The following NRG3 variants were observed in gnomAD, a reference collection of about 807,000 sequenced individuals.
NRG3 encodes the protein pro-neuregulin-3, membrane-bound isoform.
In NRG3, 31 loss-of-function variants were observed where a neutral mutation model predicts 66.9. The ratio of observed to expected loss-of-function variants is 0.46; its 90% CI spans 0.35 to 0.63. The LOEUF (loss-of-function observed/expected upper bound fraction) is 0.63, where lower values mean the gene tolerates loss of function less well. Among genes scored for constraint, NRG3 ranks in the 20% least tolerant of loss-of-function variants. The probability of loss-of-function intolerance (pLI) is 0.00; values close to 1 mark genes in which losing one functional copy is unlikely to be tolerated. For missense variants in NRG3, 910 were observed against 878.9 expected, an observed-to-expected ratio of 1.04 and a Z score of -0.45; for synonymous variants, 393 against 359.4, an observed-to-expected ratio of 1.09 and a Z score of -1.06.
Position 82,405,458 on chromosome 10 carries a change from G to GT in NRG3, c.953+46604dup, listed in dbSNP as rs10676885. ...ATCTTTGGAATGATCTCAGTAGTTTGTTTTTTTTTTTTTTGAAATGGAGTC... is the reference window on the plus strand; with the variant it reads ...ATCTTTGGAATGATCTCAGTAGTTTGTTTTTTTTTTTTTTTGAAATGGAGTC... On this transcript the variant is annotated intron_variant, in intron 2 of 8. Transcript: ENST00000372141. Among the ~76,000 whole-genome samples, 1,030 of 140,240 alleles carry GT rather than the reference G, an allele frequency of 7.3e-3. 14 individuals are homozygous for GT. The highest frequency in any genetic ancestry group is 0.019 in the Middle Eastern group (5 of 266). The allele number at this position is 140,240 out of a possible 152,430, so 92.0% of individuals were successfully genotyped here. A position where few individuals can be genotyped will look rare whatever the true frequency, so the allele number is the denominator to read the frequency against.
chr10:82,505,413 G>GAGAAGTATTTCAGTA (rs1844576818), intron 2 of NRG3, among the ~76,000 whole-genome samples: 1 of 152,030 alleles, frequency 6.6e-6, no homozygotes, highest in Admixed American at 6.5e-5. Flanking sequence ...GTATTTCAGT[G>GAGAAGTATTTCAGTA]TTTTAACAAC....
At chr10:82,536,617 G>A (rs1221811638) in intron 2 of NRG3, among the ~76,000 whole-genome samples, 2 of 151,888 alleles carry the variant, frequency 1.3e-5, no homozygotes, top group Non-Finnish European at 2.9e-5. Flanking sequence ...TTCTTCTCTT[G>A]CTTGGACTCA....
intron 2 of NRG3, among the ~76,000 whole-genome samples, chr10:82,398,944 A>G (rs2086901512): frequency 1.3e-5 from 2 of 152,148 alleles, no homozygotes; most frequent in South Asian, 4.1e-4. Context: ...AGGATACACC[A>G]ATTGCTTAGA....
intron 1 of NRG3, among the ~76,000 whole-genome samples, chr10:82,278,458 C>A (rs2134406220): frequency 6.6e-6 from 1 of 152,154 alleles, no homozygotes; most frequent in African/African-American, 2.4e-5. Context: ...TGATTACTCT[C>A]TCAGACTGTC....
At chr10:82,936,138 T>C (rs1848045126) in intron 4 of NRG3, among the ~76,000 whole-genome samples, 1 of 152,188 alleles carries the variant, frequency 6.6e-6, no homozygotes. Context: ...ATTTTTGTTA[T>C]GTATTAACCT....
chr10:82,819,015 T>C (rs1180485273), intron 3 of NRG3, among the ~76,000 whole-genome samples: 3 of 152,248 alleles, frequency 2.0e-5, no homozygotes, highest in Non-Finnish European at 4.4e-5. Flanking sequence ...TAATGATTTT[T>C]TTAAAATCCT....
At chr10:82,040,825 G>A (rs1463491051) in intron 1 of NRG3, among the ~76,000 whole-genome samples, 1 of 152,044 alleles carries the variant, frequency 6.6e-6, no homozygotes, top group Non-Finnish European at 1.5e-5. Context: ...CCCAGTATAT[G>A]TCAGCATTTT....
chr10:82,325,329 G>C (rs1054286616), intron 1 of NRG3, among the ~76,000 whole-genome samples: 6 of 151,970 alleles, frequency 3.9e-5, no homozygotes, highest in African/African-American at 1.5e-4. Context: ...CTGCAGGCAT[G>C]TGCTACTGTG....
chr10:82,784,908 A>G (rs1036259844), intron 3 of NRG3, among the ~76,000 whole-genome samples: 3 of 152,334 alleles, frequency 2.0e-5, no homozygotes, highest in Admixed American at 6.5e-5. Context: ...ATGCACACGT[A>G]TGTTCATTTC....
At chr10:82,114,939 T>G (rs896899903) in intron 1 of NRG3, among the ~76,000 whole-genome samples, 1 of 152,136 alleles carries the variant, frequency 6.6e-6, no homozygotes, top group African/African-American at 2.4e-5. Context: ...TCATAGCACT[T>G]TTTTGGAGGA....
At chr10:82,044,667 C>A (rs1259448509) in intron 1 of NRG3, among the ~76,000 whole-genome samples, 1 of 151,838 alleles carries the variant, frequency 6.6e-6, no homozygotes, top group African/African-American at 2.4e-5. Flanking sequence ...TGCTGGTGTG[C>A]TGCACCTATT....
chr10:82,220,623 A>C (rs79996718), intron 1 of NRG3, among the ~76,000 whole-genome samples: 2,948 of 152,246 alleles, frequency 0.019, 93 homozygotes, highest in African/African-American at 0.067. Flanking sequence ...AAAAAACTCC[A>C]AAATATCACA....
chr10:82,336,422 C>T (rs2082389201), intron 1 of NRG3, among the ~76,000 whole-genome samples: 1 of 152,110 alleles, frequency 6.6e-6, no homozygotes. Flanking sequence ...AGATTTCTAG[C>T]CTACTATCTG....
rs190688670 is a variant in NRG3 at position 82,532,262 on chromosome 10, C to T, written c.953+173394C>T. ...CTTCTATCTGACTATATGTTTGTAA[C>T]CATTTTAGACACCTCATATAAGTGA... On this transcript the variant is annotated intron_variant, in intron 2 of 8. Transcript: ENST00000372141. 2.0e-3 allele frequency among the ~76,000 whole-genome samples: 298 copies of T among 151,522 alleles called. 1 individual carries two copies. The highest frequency in any genetic ancestry group is 6.0e-3 in the African/African-American group (249 of 41,440).
chr10:82,892,946 ATATG>A (rs1843298566), intron 4 of NRG3, among the ~76,000 whole-genome samples: 1 of 152,024 alleles, frequency 6.6e-6, no homozygotes, highest in African/African-American at 2.4e-5. Context: ...AAAGGTAAAA[ATATG>A]TGTGTGTATA....
chr10:82,611,444 G>A (rs1766770643), intron 2 of NRG3, among the ~76,000 whole-genome samples: 1 of 151,930 alleles, frequency 6.6e-6, no homozygotes, highest in African/African-American at 2.4e-5. Flanking sequence ...ACAGGCCCTG[G>A]TGTGTGATGT....
chr10:81,927,265 G>A (rs907474491), intron 1 of NRG3, among the ~76,000 whole-genome samples: 17 of 151,702 alleles, frequency 1.1e-4, no homozygotes, highest in South Asian at 6.2e-4. Context: ...TTTTTTTCTT[G>A]CCTTCATAAA....
chr10:81,947,855 C>A (rs1002658192), intron 1 of NRG3, among the ~76,000 whole-genome samples: 4 of 151,966 alleles, frequency 2.6e-5, no homozygotes, highest in Non-Finnish European at 4.4e-5. Context: ...ACTCAGGCAT[C>A]CCAGATTCCA....
chr10:82,078,518 T>G (rs974893732), intron 1 of NRG3, among the ~76,000 whole-genome samples: 1 of 151,878 alleles, frequency 6.6e-6, no homozygotes, highest in African/African-American at 2.4e-5. Flanking sequence ...ACCCGGCTAA[T>G]TTTTTGTGTT....
Sources: allele counts gnomAD v4.1 joint callset (sites outside exome capture counted in the v4.1 genomes callset), GRCh38; gene constraint gnomAD v4.1.1; transcripts MANE v1.5; gene names NCBI Gene and HGNC (gene_info 2026-07-23, HGNC 2026-07-21).